The following MECOM variants were observed in gnomAD, a reference collection of about 807,000 sequenced individuals.
The protein encoded by MECOM is MDS1 and EVI1 complex locus.
Under a neutral mutation model 116.3 loss-of-function variants are expected in MECOM, and 13 were observed. That is an observed-to-expected ratio of 0.11 (90% CI 0.07 to 0.18). The LOEUF (loss-of-function observed/expected upper bound fraction) is 0.18, where lower values mean the gene tolerates loss of function less well. Among genes scored for constraint, MECOM ranks in the 10% least tolerant of loss-of-function variants. The pLI, the probability that MECOM is intolerant of heterozygous loss-of-function variation, is 1.00. For synonymous variants in MECOM, 528 were observed against 535.2 expected (o/e 0.99, Z 0.19); for missense variants, 1,299 against 1,509.0 (o/e 0.86, Z 2.31).
chr3:169,542,822 A>C (rs1760257766), intron 1 of MECOM, among the ~76,000 whole-genome samples: 1 of 152,214 alleles, frequency 6.6e-6, no homozygotes, highest in African/African-American at 2.4e-5. Flanking sequence ...TTCTGGGGTT[A>C]TCATTAATGA....
chr3:169,086,697 T>G, intron 16 of MECOM: 2 of 573,802 alleles, frequency 3.5e-6, no homozygotes. Flanking sequence ...CCTATTACCA[T>G]GAAATTAATT....
chr3:169,570,708 C>G (rs1402817239), intron 1 of MECOM, among the ~76,000 whole-genome samples: 2 of 152,112 alleles, frequency 1.3e-5, no homozygotes, highest in Non-Finnish European at 2.9e-5. Context: ...TAAACATAAT[C>G]CATCACATAA....
intron 14 of MECOM, among the ~76,000 whole-genome samples, chr3:169,091,164 G>A (rs888445185): frequency 2.0e-5 from 3 of 151,966 alleles, no homozygotes; most frequent in Non-Finnish European, 4.4e-5. Context: ...TTGCTTGCAT[G>A]AGTGGATTAA....
At chr3:169,386,871 A>G (rs1454449566) in intron 1 of MECOM, among the ~76,000 whole-genome samples, 2 of 152,188 alleles carry the variant, frequency 1.3e-5, no homozygotes, top group East Asian at 1.9e-4. Context: ...AGAAAATTAT[A>G]TATCTATTAC....
chr3:169,362,692 T>C (rs939704343), intron 2 of MECOM, among the ~76,000 whole-genome samples: 2 of 151,940 alleles, frequency 1.3e-5, no homozygotes, highest in Admixed American at 6.6e-5. Context: ...AACAAAGGCA[T>C]GGACAGTCTC....
chr3:169,614,147 CT>C (rs1769682826), intron 1 of MECOM, among the ~76,000 whole-genome samples: 1 of 144,620 alleles, frequency 6.9e-6, no homozygotes, highest in African/African-American at 2.6e-5. Flanking sequence ...CTTTCTCTCT[CT>C]CATCTCTTTC....
chr3:169,124,090 T>C (rs1431258437), intron 5 of MECOM, among the ~76,000 whole-genome samples: 2 of 152,142 alleles, frequency 1.3e-5, no homozygotes, highest in Non-Finnish European at 1.5e-5. Context: ...TACATTCGTT[T>C]TGAAGCTCCT....
At chr3:169,180,495 A>G (rs2149393905) in intron 2 of MECOM, among the ~76,000 whole-genome samples, 1 of 152,184 alleles carries the variant, frequency 6.6e-6, no homozygotes, top group South Asian at 2.1e-4. Context: ...CTGATAAGAA[A>G]TGATTTCCTA....
intron 1 of MECOM, among the ~76,000 whole-genome samples, chr3:169,553,732 C>T (rs1761681262): frequency 6.6e-6 from 1 of 152,190 alleles, no homozygotes; most frequent in Non-Finnish European, 1.5e-5. Context: ...CTCTTATTGG[C>T]TTGCAGATGA....
rs140954504 is a variant in MECOM at position 169,432,364 on chromosome 3, G to T, written c.38-50840C>A. Among the ~76,000 whole-genome samples, 283 of 152,192 alleles carry T rather than the reference G, an allele frequency of 1.9e-3. 5 individuals are homozygous for T. The East Asian group carries it at 0.048, about 26-fold the overall frequency. ...GTAGAGACAGGGTTTCACCATGTTG[G>T]CCAGGCTGGTCTCGAACTCCTGACC... On this transcript the variant is annotated intron_variant, in intron 1 of 16. Transcript: ENST00000651503.
At chr3:169,503,930 T>A (rs1462950763) in intron 1 of MECOM, among the ~76,000 whole-genome samples, 5 of 152,178 alleles carry the variant, frequency 3.3e-5, no homozygotes, top group African/African-American at 7.2e-5. Flanking sequence ...ATCGTTCTTG[T>A]AATAGTATCA....
intron 3 of MECOM, among the ~76,000 whole-genome samples, chr3:169,135,073 C>T (rs754829990): frequency 3.3e-5 from 5 of 152,058 alleles, no homozygotes; most frequent in Admixed American, 6.6e-5. Context: ...TCTTTAAAAT[C>T]TGTATTCTCA....
chr3:169,659,166 G>C (rs912850504), intron 1 of MECOM, among the ~76,000 whole-genome samples: 5 of 151,668 alleles, frequency 3.3e-5, no homozygotes, highest in African/African-American at 1.2e-4. Context: ...TTGAATGTCT[G>C]TCCCTGCAGG....
At chr3:169,473,395 T>A (rs1749856679) in intron 1 of MECOM, among the ~76,000 whole-genome samples, 1 of 152,154 alleles carries the variant, frequency 6.6e-6, no homozygotes, top group African/African-American at 2.4e-5. Flanking sequence ...AACTTGAAAT[T>A]CAGCAACACG....
intron 2 of MECOM, among the ~76,000 whole-genome samples, chr3:169,197,205 A>G (rs564959679): frequency 2.0e-5 from 3 of 151,920 alleles, no homozygotes; most frequent in Non-Finnish European, 4.4e-5. Context: ...AAAACTACCT[A>G]TTGAGTACTG....
At chr3:169,535,563 A>C (rs1209845124) in intron 1 of MECOM, among the ~76,000 whole-genome samples, 1 of 152,212 alleles carries the variant, frequency 6.6e-6, no homozygotes. Flanking sequence ...TGTATGAAAC[A>C]GAACTCTCTA....
In MECOM at chr3:169,155,395, A is replaced by G. The variant is rs144955609; in HGVS notation, c.376-11563T>C. Among the ~76,000 whole-genome samples, 371 of 152,224 alleles carry G rather than the reference A, an allele frequency of 2.4e-3. 4 individuals are homozygous for G. The highest frequency in any genetic ancestry group is 8.2e-3 in the African/African-American group (340 of 41,546). On this transcript the variant is annotated intron_variant, in intron 2 of 16. Coordinates refer to ENST00000651503, the MANE Select transcript of MECOM (RefSeq NM_004991.4). ...GACTCCTCTCCTTCCCTTGTCCCCA[A>G]TAAATAGTCATTGGTTCAGTTGGTC...
At chr3:169,504,705 G>A (rs2108995041) in intron 1 of MECOM, among the ~76,000 whole-genome samples, 1 of 152,216 alleles carries the variant, frequency 6.6e-6, no homozygotes, top group South Asian at 2.1e-4. Flanking sequence ...AATGACAAGT[G>A]AATGACAAGA....
At chr3:169,485,911 G>GTATATA (rs1162357800) in intron 1 of MECOM, among the ~76,000 whole-genome samples, 1 of 106,960 alleles carries the variant, frequency 9.3e-6, no homozygotes. Context: ...TAGTATATAT[G>GTATATA]TATGTATATA....
Sources: gnomAD v4.1 joint callset for allele counts (sites outside exome capture counted in the v4.1 genomes callset) on GRCh38, gnomAD v4.1.1 for gene constraint, MANE v1.5 for transcripts, NCBI Gene and HGNC (gene_info 2026-07-23, HGNC 2026-07-21) for gene names.